The following BLMH variants were observed in gnomAD, a reference collection of about 807,000 sequenced individuals.
BLMH encodes BLM hydrolase.
Under a neutral mutation model 61.6 loss-of-function variants are expected in BLMH, and 32 were observed. The observed-to-expected ratio is 0.52, with a 90% CI of 0.39 to 0.70. BLMH has a LOEUF of 0.70. Among genes scored for constraint, BLMH ranks in the 30% least tolerant of loss-of-function variants. The pLI, the probability that BLMH is intolerant of heterozygous loss-of-function variation, is 0.00. For synonymous variants in BLMH, 183 were observed against 193.8 expected, an observed-to-expected ratio of 0.94 and a Z score of 0.46; for missense variants, 460 against 555.5, an observed-to-expected ratio of 0.83 and a Z score of 1.73.
chr17:30,260,810 G>A (rs1191972051), intron 11 of BLMH, among the ~76,000 whole-genome samples: 1 of 152,144 alleles, frequency 6.6e-6, no homozygotes, highest in Non-Finnish European at 1.5e-5. Context: ...TTGAACCTGG[G>A]AGGCAGAGGT....
intron 6 of BLMH, among the ~76,000 whole-genome samples, chr17:30,275,040 A>T (rs201213762): frequency 7.1e-5 from 9 of 126,888 alleles, no homozygotes; most frequent in South Asian, 2.5e-4. Context: ...GTCATGGTTT[A>T]AAAAAAAAAA....
At chr17:30,263,692 A>G (rs542582783) in intron 11 of BLMH, among the ~76,000 whole-genome samples, 1 of 152,352 alleles carries the variant, frequency 6.6e-6, no homozygotes, top group African/African-American at 2.4e-5. Context: ...ATGTGTTACA[A>G]AAGAGTTTCT....
At position 30,285,443 on chromosome 17, in the gene BLMH, T is replaced by G. The variant is rs1306854070; in HGVS notation, c.590A>C (p.His197Pro). 6.2e-7 allele frequency: 1 copy of G among 1,613,044 alleles called. No individual in the cohort carries two copies. The highest frequency in any genetic ancestry group is 1.7e-5 in the Admixed American group (1 of 59,868). ...EFCIRLRNLVHSGATKGEISA... is the reference protein window; with the variant it reads ...EFCIRLRNLVPSGATKGEISA... ...GATTTCTCCTTTGGTTGCTCCACTGTGTACCAGGTTCCGCAGTCGTATACA... is the reference window on the plus strand; with the variant it reads ...GATTTCTCCTTTGGTTGCTCCACTGGGTACCAGGTTCCGCAGTCGTATACA... The change falls in exon 6 of 12, where the codon CAC (histidine) becomes CCC (proline). Residue 197 changes from histidine to proline, a missense_variant. Physicochemically the swap from His to Pro is moderately conservative, Grantham distance 77. Around this residue, in one of 5 missense-constraint regions of BLMH, gnomAD observed 310 missense variants for 371.1 expected, o/e 0.84. Coordinates refer to ENST00000261714, the MANE Select transcript of BLMH (RefSeq NM_000386.4).
chr17:30,291,728 C>A (rs1203170164), intron 1 of BLMH, 79 bp downstream of exon 1: 2 of 1,417,878 alleles, frequency 1.4e-6, no homozygotes, highest in Non-Finnish European at 1.8e-6. Context: ...TCCCAGCCCC[C>A]GGCCTTCCCC....
chr17:30,255,504 T>C (rs896591468), intron 11 of BLMH, among the ~76,000 whole-genome samples: 4 of 152,230 alleles, frequency 2.6e-5, no homozygotes, highest in African/African-American at 9.7e-5. Context: ...CTAACTTTCT[T>C]CTTGGATCCA....
intron 6 of BLMH, among the ~76,000 whole-genome samples, chr17:30,278,690 G>A (rs1654503992): frequency 6.6e-6 from 1 of 152,092 alleles, no homozygotes; most frequent in African/African-American, 2.4e-5. Flanking sequence ...GGGAGCGGGG[G>A]ACAGAGCCTC....
intron 5 of BLMH, among the ~76,000 whole-genome samples, chr17:30,286,499 A>G (rs529372554): frequency 6.6e-6 from 1 of 152,304 alleles, no homozygotes; most frequent in African/African-American, 2.4e-5. Context: ...CCTCCACTAG[A>G]ACCAAGTGAG....
intron 11 of BLMH, chr17:30,249,480 C>A: frequency 3.9e-6 from 1 of 255,950 alleles, no homozygotes; most frequent in Non-Finnish European, 7.5e-6. Flanking sequence ...TGCTCTCTTC[C>A]TCCGCTGCCT....
At chr17:30,258,487 G>A (rs1203035227) in intron 11 of BLMH, among the ~76,000 whole-genome samples, 2 of 152,100 alleles carry the variant, frequency 1.3e-5, no homozygotes, top group Non-Finnish European at 2.9e-5. Context: ...AAAAATGCAG[G>A]GTGGAAAATG....
intron 11 of BLMH, chr17:30,250,260 C>T (rs1907635715): frequency 6.6e-6 from 1 of 152,162 alleles, no homozygotes; most frequent in Admixed American, 6.5e-5. Context: ...GGCTTCTGCA[C>T]AGCAAGAGAA....
intron 10 of BLMH, among the ~76,000 whole-genome samples, chr17:30,267,490 A>T (rs1183144976): frequency 2.0e-5 from 3 of 152,232 alleles, no homozygotes; most frequent in African/African-American, 7.2e-5. Context: ...ACTCTCCCAA[A>T]TGCATTCTTT....
chr17:30,248,995 AG>A lies in BLMH; in HGVS notation c.*21del. On this transcript the variant is annotated 3_prime_UTR_variant, in exon 12 of 12. Transcript: ENST00000261714. The stretch of plus-strand genomic sequence containing the variant: ...CAGCTACGTCAGGTTCCATGGAAGG[AG>A]GAAAGAGCTGGAGGGCAGTATCACT... The A allele has an allele frequency of 6.2e-7, 1 of 1,612,900 alleles. No homozygotes were observed. The highest frequency in any genetic ancestry group is 1.3e-5 in the African/African-American group (1 of 74,972).
At chr17:30,249,952 C>G (rs1462385041) in intron 11 of BLMH, 1 of 152,206 alleles carries the variant, frequency 6.6e-6, no homozygotes, top group East Asian at 1.9e-4. Flanking sequence ...AGTGTGGTGT[C>G]ATCGGGTACC....
chr17:30,291,372 C>G lies in BLMH; in HGVS notation c.150G>C (p.Gln50His). The G allele has an allele frequency of 6.2e-7, 1 of 1,613,546 alleles. No individual in the cohort carries two copies. Among genetic ancestry groups the G allele is most frequent in the Non-Finnish European group, 8.5e-7 (1 of 1,180,028 alleles). Residue 50 changes from glutamine (Q) to histidine (H), a missense_variant, in exon 2 of 12, where the codon CAG (glutamine) becomes CAC (histidine). Physicochemically the swap from Gln to His is conservative, Grantham distance 24. Transcript: ENST00000261714. ...CLKRATVQRA[Q>H]HVFQHAVPQE... ...GGGGCACGGCGTGCTGGAACACATGCTGCGCGCGCTGCACCGTGGCCCGCT... is the reference window on the plus strand; with the variant it reads ...GGGGCACGGCGTGCTGGAACACATGGTGCGCGCGCTGCACCGTGGCCCGCT...
chr17:30,290,103 T>C (rs1189098949), intron 2 of BLMH, among the ~76,000 whole-genome samples: 1 of 152,162 alleles, frequency 6.6e-6, no homozygotes, highest in Non-Finnish European at 1.5e-5. Flanking sequence ...TAGTTAACTA[T>C]AGTGTTTTAT....
chr17:30,254,518 T>G (rs1471563349), intron 11 of BLMH, among the ~76,000 whole-genome samples: 1 of 152,098 alleles, frequency 6.6e-6, no homozygotes, highest in African/African-American at 2.4e-5. Flanking sequence ...CATGAAGAAA[T>G]GTTTAGGTGA....
chr17:30,289,340 T>C (rs931373948), intron 3 of BLMH, 33 bp downstream of exon 3: 2 of 1,434,286 alleles, frequency 1.4e-6, no homozygotes, highest in Non-Finnish European at 1.9e-6. Flanking sequence ...CTGATATCAA[T>C]ACAAAAAGAA....
intron 8 of BLMH, 49 bp downstream of exon 8, chr17:30,272,692 G>A (rs1908308704): frequency 6.2e-7 from 1 of 1,613,928 alleles, no homozygotes; most frequent in Non-Finnish European, 8.5e-7. Context: ...TACCAAAGAA[G>A]TAAAAGATGT....
At chr17:30,291,543 A>G (rs1291358974) in intron 1 of BLMH, 35 bp from the exon 2 acceptor site, 1 of 1,608,044 alleles carries the variant, frequency 6.2e-7, no homozygotes, top group Admixed American at 1.7e-5. Flanking sequence ...TAACGCAAAA[A>G]GAGGGGGAAA....
Sources: allele counts gnomAD v4.1 joint callset (sites outside exome capture counted in the v4.1 genomes callset), GRCh38; gene constraint gnomAD v4.1.1; regional missense constraint gnomAD v4.1.1; transcripts MANE v1.5; gene names NCBI Gene and HGNC (gene_info 2026-07-23, HGNC 2026-07-21).